KCNIP4: variants seen among roughly 807,000 people sequenced by gnomAD.
KCNIP4 encodes the protein Kv channel-interacting protein 4.
KCNIP4 carries 12 observed loss-of-function variants against 34.0 expected under a neutral mutation model. The observed-to-expected ratio is 0.35, with a 90% CI of 0.23 to 0.57. The LOEUF is 0.57. KCNIP4 is among the 20% of genes least tolerant of loss of function. The pLI is 0.83. For missense variants in KCNIP4, 238 were observed against 311.7 expected (o/e 0.76, Z 1.78); for synonymous variants, 124 against 102.2 (o/e 1.21, Z -1.29).
chr4:21,777,209 C>A (rs1719241726), intron 1 of KCNIP4, among the ~76,000 whole-genome samples: 4 of 152,192 alleles, frequency 2.6e-5, no homozygotes, highest in South Asian at 2.1e-4. Context: ...TCCAGCCATG[C>A]AGAATTGTGA....
At chr4:20,757,759 C>T (rs1007120994) in intron 4 of KCNIP4, among the ~76,000 whole-genome samples, 7 of 152,100 alleles carry the variant, frequency 4.6e-5, no homozygotes, top group African/African-American at 1.4e-4. Flanking sequence ...TTAGTTTCCA[C>T]GTGTGTATCT....
intron 1 of KCNIP4, among the ~76,000 whole-genome samples, chr4:20,895,530 A>C (rs964760098): frequency 6.6e-6 from 1 of 152,230 alleles, no homozygotes; most frequent in Non-Finnish European, 1.5e-5. Context: ...CATATAATCC[A>C]TTATAATTTT....
At chr4:20,884,059 A>G (rs1270963457) in intron 1 of KCNIP4, among the ~76,000 whole-genome samples, 5 of 152,120 alleles carry the variant, frequency 3.3e-5, no homozygotes, top group African/African-American at 1.2e-4. Flanking sequence ...TCTGGCCTTG[A>G]CACTTATGTG....
chr4:21,226,849 G>A (rs1332866828), intron 1 of KCNIP4, among the ~76,000 whole-genome samples: 1 of 150,092 alleles, frequency 6.7e-6, no homozygotes, highest in Non-Finnish European at 1.5e-5. Flanking sequence ...ATAGCTGACT[G>A]TGTGAATTTG....
intron 3 of KCNIP4, among the ~76,000 whole-genome samples, chr4:20,773,280 A>T (rs1756075785): frequency 6.6e-6 from 1 of 152,172 alleles, no homozygotes; most frequent in African/African-American, 2.4e-5. Flanking sequence ...CAAATACTTG[A>T]GAAGTTTCCA....
chr4:20,767,022 T>C (rs1399207744), intron 3 of KCNIP4: 1 of 152,208 alleles, frequency 6.6e-6, no homozygotes, highest in South Asian at 2.1e-4. Flanking sequence ...CCTAGCCCTC[T>C]ACCTTACACA....
chr4:20,734,776 A>AC (rs1280159196), intron 5 of KCNIP4, 41 bp from the exon 6 acceptor site: 10 of 1,236,334 alleles, frequency 8.1e-6, no homozygotes, highest in Non-Finnish European at 1.1e-5. Flanking sequence ...GACATTTTTA[A>AC]AAAAACAAAA....
intron 1 of KCNIP4, among the ~76,000 whole-genome samples, chr4:21,337,176 T>C (rs1190364944): frequency 6.6e-6 from 1 of 152,254 alleles, no homozygotes. Flanking sequence ...TTTAGGTACA[T>C]GCTGGGAAGC....
intron 1 of KCNIP4, among the ~76,000 whole-genome samples, chr4:21,346,079 T>TGTGTA (rs1247258720): frequency 1.6e-5 from 2 of 128,266 alleles, no homozygotes; most frequent in African/African-American, 5.8e-5. Context: ...AATATATATA[T>TGTGTA]TTAAGATATT....
intron 1 of KCNIP4, among the ~76,000 whole-genome samples, chr4:21,558,826 T>G (rs1739286935): frequency 6.6e-6 from 1 of 152,204 alleles, no homozygotes; most frequent in African/African-American, 2.4e-5. Flanking sequence ...TGTTAAGACT[T>G]TATTGATCAA....
chr4:21,241,650 G>A (rs1157409818), intron 1 of KCNIP4, among the ~76,000 whole-genome samples: 1 of 152,178 alleles, frequency 6.6e-6, no homozygotes, highest in Non-Finnish European at 1.5e-5. Context: ...TTCATATTGT[G>A]AAGAAATTTA....
chr4:21,423,454 A>G (rs1375644738), intron 1 of KCNIP4, among the ~76,000 whole-genome samples: 2 of 152,172 alleles, frequency 1.3e-5, no homozygotes, highest in African/African-American at 2.4e-5. Flanking sequence ...ATTTTTTTCC[A>G]TATGTAACAT....
Position 21,681,539 on chromosome 4 carries a change from G to A in KCNIP4, c.61+267032C>T, listed in dbSNP as rs149561519. Among the ~76,000 whole-genome samples the A allele has an allele frequency of 2.6e-3, 403 of 152,268 alleles. 1 individual carries two copies. The highest frequency in any genetic ancestry group is 7.8e-3 in the African/African-American group (322 of 41,540). On this transcript the variant is annotated intron_variant, in intron 1 of 8. Transcript: ENST00000382152. Reference sequence around the variant, plus strand: ...TTGCTCTTTAACCTTGCACTTTTGTGGTATGGATATGGCTTCTTCATGAAC... The same window carrying A: ...TTGCTCTTTAACCTTGCACTTTTGTAGTATGGATATGGCTTCTTCATGAAC...
Position 21,269,686 on chromosome 4 carries a change from C to T in KCNIP4, c.62-386977G>A, listed in dbSNP as rs570651511. 7.2e-5 allele frequency among the ~76,000 whole-genome samples: 11 copies of T among 152,288 alleles called. No individual in the cohort carries two copies. The South Asian group carries it at 1.0e-3, about 14-fold the overall frequency. ...CTGGGATTTTAGGCATGAGCCACTG[C>T]GCCCGCCCCAGCTTCATTTTAGAGT... On this transcript the variant is annotated intron_variant, in intron 1 of 8. Coordinates refer to ENST00000382152, the MANE Select transcript of KCNIP4 (RefSeq NM_025221.6).
intron 1 of KCNIP4, among the ~76,000 whole-genome samples, chr4:21,453,688 C>G (rs955827558): frequency 1.3e-5 from 2 of 152,160 alleles, no homozygotes; most frequent in Non-Finnish European, 2.9e-5. Context: ...GAAAGCAGAT[C>G]TGGCATTCAT....
At chr4:20,828,428 A>G (rs984849714) in intron 3 of KCNIP4, among the ~76,000 whole-genome samples, 41 of 152,192 alleles carry the variant, frequency 2.7e-4, no homozygotes, top group African/African-American at 9.6e-4. Flanking sequence ...TCCGTCTAAA[A>G]CAAAGAAACA....
chr4:21,153,341 G>A (rs537083532), intron 1 of KCNIP4, among the ~76,000 whole-genome samples: 19 of 151,942 alleles, frequency 1.3e-4, no homozygotes, highest in Non-Finnish European at 1.6e-4. Context: ...GACAAAAATT[G>A]TATTTTCAGT....
intron 1 of KCNIP4, among the ~76,000 whole-genome samples, chr4:21,842,079 C>A (rs1319577750): frequency 6.6e-6 from 1 of 152,094 alleles, no homozygotes; most frequent in African/African-American, 2.4e-5. Flanking sequence ...AAGTAAAATG[C>A]TTTGAACATT....
chr4:20,915,966 T>C (rs2149577541), intron 1 of KCNIP4, among the ~76,000 whole-genome samples: 1 of 152,208 alleles, frequency 6.6e-6, no homozygotes, highest in Non-Finnish European at 1.5e-5. Context: ...CAAACTGCAT[T>C]CTTACACTCT....
Sources: allele counts gnomAD v4.1 joint callset (sites outside exome capture counted in the v4.1 genomes callset), GRCh38; gene constraint gnomAD v4.1.1; transcripts MANE v1.5; gene names NCBI Gene and HGNC (gene_info 2026-07-23, HGNC 2026-07-21).